Variants in TMED3 observed in about 807,000 individuals in gnomAD.
TMED3 encodes the protein transmembrane emp24 domain-containing protein 3.
Under a neutral mutation model 15.0 loss-of-function variants are expected in TMED3, and 9 were observed. The ratio of observed to expected loss-of-function variants is 0.60; its 90% CI spans 0.36 to 1.04. The LOEUF (loss-of-function observed/expected upper bound fraction) is 1.04, where lower values mean the gene tolerates loss of function less well. TMED3 is among the 50% of genes least tolerant of loss of function. The probability of loss-of-function intolerance (pLI) is 0.01; values close to 1 mark genes in which losing one functional copy is unlikely to be tolerated. For synonymous variants in TMED3, 117 were observed against 121.4 expected, an observed-to-expected ratio of 0.96 and a Z score of 0.24; for missense variants, 267 against 278.9, an observed-to-expected ratio of 0.96 and a Z score of 0.30.
At chr15:79,348,927 G>GT (rs1313687333) in intron 2 of TMED3, among the ~76,000 whole-genome samples, 1 of 152,158 alleles carries the variant, frequency 6.6e-6, no homozygotes, top group African/African-American at 2.4e-5. Context: ...GAACTCCCAG[G>GT]TGGGTGATCC....
At chr15:79,333,921 T>C (rs1384964473) in intron 2 of TMED3, among the ~76,000 whole-genome samples, 1 of 152,166 alleles carries the variant, frequency 6.6e-6, no homozygotes, top group Non-Finnish European at 1.5e-5. Flanking sequence ...ATATATGCAC[T>C]CACCTCAGCT....
At position 79,351,022 on chromosome 15, in the gene TMED3, G is replaced by A. The variant is rs553375411; in HGVS notation, c.417+37017G>A. Among the ~76,000 whole-genome samples the A allele has an allele frequency of 1.1e-4, 17 of 152,306 alleles. No individual in the cohort carries two copies. In the South Asian group the frequency reaches 3.1e-3, roughly 28 times the overall value. Reference sequence around the variant, plus strand: ...GCTGCTAACTTGCTGTGTGACAAGTGTGCTGTAAGCCACGTTTATTCCTCA... The same window carrying A: ...GCTGCTAACTTGCTGTGTGACAAGTATGCTGTAAGCCACGTTTATTCCTCA... On this transcript the variant is annotated intron_variant, in intron 2 of 2. Transcript: ENST00000424155.
At chr15:79,378,680 G>T (rs1270979029) in intron 2 of TMED3, among the ~76,000 whole-genome samples, 2 of 152,188 alleles carry the variant, frequency 1.3e-5, no homozygotes, top group African/African-American at 4.8e-5. Context: ...AGGTGGGCAG[G>T]CAGCCAACTA....
At chr15:79,341,921 C>T (rs1182217379) in intron 2 of TMED3, among the ~76,000 whole-genome samples, 3 of 152,160 alleles carry the variant, frequency 2.0e-5, no homozygotes, top group Non-Finnish European at 4.4e-5. Context: ...CAGGACAGCC[C>T]TCCACTGATG....
At chr15:79,347,621 A>T (rs2058875745) in intron 2 of TMED3, among the ~76,000 whole-genome samples, 1 of 152,338 alleles carries the variant, frequency 6.6e-6, no homozygotes, top group Middle Eastern at 3.4e-3. Context: ...ATGATACTAT[A>T]TCTAAACATC....
intron 2 of TMED3, among the ~76,000 whole-genome samples, chr15:79,361,362 T>C (rs1362272839): frequency 6.6e-6 from 1 of 152,242 alleles, no homozygotes; most frequent in Non-Finnish European, 1.5e-5. Flanking sequence ...TATTTTACAT[T>C]TTAAAACTAT....
intron 2 of TMED3, among the ~76,000 whole-genome samples, chr15:79,387,137 T>G (rs1455421151): frequency 6.6e-6 from 1 of 152,090 alleles, no homozygotes; most frequent in Non-Finnish European, 1.5e-5. Context: ...GCCCCCAAAT[T>G]AGGAAGAGAG....
intron 2 of TMED3, among the ~76,000 whole-genome samples, chr15:79,379,205 T>A (rs1000210279): frequency 2.0e-5 from 3 of 152,208 alleles, no homozygotes; most frequent in Non-Finnish European, 4.4e-5. Flanking sequence ...TTACTTTCAG[T>A]ATGCCTTTGT....
intron 2 of TMED3, among the ~76,000 whole-genome samples, chr15:79,393,066 T>G (rs1367127586): frequency 6.6e-6 from 1 of 152,240 alleles, no homozygotes; most frequent in Non-Finnish European, 1.5e-5. Context: ...CTTTTCATTT[T>G]CACCCAAGGT....
At chr15:79,312,051 C>T (rs2058717830) in intron 1 of TMED3, among the ~76,000 whole-genome samples, 1 of 152,166 alleles carries the variant, frequency 6.6e-6, no homozygotes, top group South Asian at 2.1e-4. Flanking sequence ...TGAGAGATCC[C>T]GTGGCCCACA....
intron 2 of TMED3, among the ~76,000 whole-genome samples, chr15:79,385,334 G>C (rs1893611450): frequency 1.3e-5 from 2 of 152,170 alleles, no homozygotes; most frequent in South Asian, 4.1e-4. Context: ...CCTAGGAAGG[G>C]GGGCAGAATC....
intron 2 of TMED3, among the ~76,000 whole-genome samples, chr15:79,352,664 GA>G (rs146674672): frequency 0.012 from 1,515 of 122,650 alleles, 76 homozygotes; most frequent in East Asian, 0.12. Flanking sequence ...CATTAACTAA[GA>G]AAAAAAAAAT....
Position 79,311,430 on chromosome 15 carries a change from G to GC in TMED3, c.168+16dup, listed in dbSNP as rs1399700295. 6.3e-7 allele frequency: 1 copy of GC among 1,596,254 alleles called. No homozygotes were observed. The highest frequency in any genetic ancestry group is 8.5e-7 in the Non-Finnish European group (1 of 1,171,410). On this transcript the variant is annotated intron_variant, in intron 1 of 2. Coordinates refer to ENST00000299705, the MANE Select transcript of TMED3 (RefSeq NM_007364.4). ...CCTGGATTACCAGGTGAGGCCGGGC[G>GC]CCCGGCAGCGCTCCCTTCTCCCTCC...
chr15:79,377,139 A>G (rs1176164799), intron 2 of TMED3, among the ~76,000 whole-genome samples: 1 of 152,176 alleles, frequency 6.6e-6, no homozygotes, highest in African/African-American at 2.4e-5. Flanking sequence ...TTTATTTGCA[A>G]TTTTAGGTTG....
rs150337951 is a variant in TMED3, at chr15:79,359,422, G to A, written c.417+45417G>A. Among the ~76,000 whole-genome samples the A allele has an allele frequency of 5.2e-3, 791 of 152,114 alleles. 7 individuals are homozygous for A. The highest frequency in any genetic ancestry group is 0.018 in the African/African-American group (765 of 41,494). On this transcript the variant is annotated intron_variant, in intron 2 of 2. Coordinates refer to the TMED3 transcript ENST00000424155. Reference sequence around the variant, plus strand: ...AATTTTTGTATTTTTAGTAGAGACAGGGTTTCACCATTTTGACCAAGTCTC... The same window carrying A: ...AATTTTTGTATTTTTAGTAGAGACAAGGTTTCACCATTTTGACCAAGTCTC...
intron 2 of TMED3, among the ~76,000 whole-genome samples, chr15:79,406,760 T>G (rs1050656273): frequency 6.6e-6 from 1 of 152,216 alleles, no homozygotes; most frequent in Non-Finnish European, 1.5e-5. Flanking sequence ...GCTACCCATT[T>G]ATCTTACCCC....
chr15:79,403,263 A>G (rs1485304354), intron 2 of TMED3, among the ~76,000 whole-genome samples: 1 of 146,356 alleles, frequency 6.8e-6, no homozygotes, highest in East Asian at 2.0e-4. Flanking sequence ...TTGATTTGAT[A>G]CAGGAGGGTC....
At chr15:79,349,223 A>T (rs1417291703) in intron 2 of TMED3, among the ~76,000 whole-genome samples, 2 of 152,330 alleles carry the variant, frequency 1.3e-5, no homozygotes, top group South Asian at 2.1e-4. Flanking sequence ...TCACGACAAA[A>T]ATGATAACTG....
chr15:79,354,077 T>A (rs2058909021), intron 2 of TMED3, among the ~76,000 whole-genome samples: 1 of 152,176 alleles, frequency 6.6e-6, no homozygotes, highest in Admixed American at 6.5e-5. Context: ...GGAAAAGGAC[T>A]TTGCATGAGT....
Sources: gnomAD v4.1 joint callset for allele counts (sites outside exome capture counted in the v4.1 genomes callset) on GRCh38, gnomAD v4.1.1 for gene constraint, MANE v1.5 for transcripts, NCBI Gene and HGNC (gene_info 2026-07-23, HGNC 2026-07-21) for gene names.